The following PID1 variants were observed in gnomAD, a reference collection of about 807,000 sequenced individuals.
The protein encoded by PID1 is phosphotyrosine interaction domain containing 1.
PID1 carries 10 observed loss-of-function variants against 19.1 expected under a neutral mutation model. The ratio of observed to expected loss-of-function variants is 0.52; its 90% CI spans 0.32 to 0.89. The LOEUF (loss-of-function observed/expected upper bound fraction) is 0.89. Ranked by LOEUF, PID1 falls within the 40% of genes least tolerant of loss-of-function variation. The pLI, the probability that PID1 is intolerant of heterozygous loss-of-function variation, is 0.03. For synonymous variants in PID1, 130 were observed against 116.0 expected, an observed-to-expected ratio of 1.12 and a Z score of -0.78; for missense variants, 248 against 285.3, an observed-to-expected ratio of 0.87 and a Z score of 0.94.
At chr2:229,172,402 C>A (rs1320228192) in intron 1 of PID1, among the ~76,000 whole-genome samples, 1 of 152,206 alleles carries the variant, frequency 6.6e-6, no homozygotes, top group African/African-American at 2.4e-5. Context: ...GTGCCATGCT[C>A]TTTTTGACGG....
At chr2:229,239,531 G>A (rs528435895) in intron 1 of PID1, among the ~76,000 whole-genome samples, 1 of 152,214 alleles carries the variant, frequency 6.6e-6, no homozygotes, top group East Asian at 1.9e-4. Flanking sequence ...AAACTCTGCT[G>A]TGGAAAGGAA....
chr2:229,238,386 C>G (rs17321656), intron 1 of PID1, among the ~76,000 whole-genome samples: 1 of 151,982 alleles, frequency 6.6e-6, no homozygotes, highest in African/African-American at 2.4e-5. Context: ...TTTCAAAAAC[C>G]GCAGGCCAGA....
chr2:229,162,323 A>G (rs1239220262), intron 1 of PID1, among the ~76,000 whole-genome samples: 1 of 152,162 alleles, frequency 6.6e-6, no homozygotes, highest in Non-Finnish European at 1.5e-5. Context: ...CAATTTACAT[A>G]TTTTACCAAT....
chr2:229,254,553 CT>C (rs1690243153), intron 1 of PID1, among the ~76,000 whole-genome samples: 1 of 152,178 alleles, frequency 6.6e-6, no homozygotes, highest in Non-Finnish European at 1.5e-5. Context: ...TCATGTTTCT[CT>C]TTTTCCTCGG....
chr2:229,236,909 G>A (rs1689709821), intron 1 of PID1, among the ~76,000 whole-genome samples: 1 of 151,224 alleles, frequency 6.6e-6, no homozygotes, highest in Non-Finnish European at 1.5e-5. Context: ...GTTGTTTATA[G>A]ATAGCTATTT....
At chr2:229,185,064 C>A (rs916447701) in intron 1 of PID1, among the ~76,000 whole-genome samples, 255 of 16,784 alleles carry the variant, frequency 0.015, no homozygotes, top group Non-Finnish European at 0.015. Flanking sequence ...TATATATCCT[C>A]CATATATATA....
intron 2 of PID1, among the ~76,000 whole-genome samples, chr2:229,113,586 G>A (rs1286428010): frequency 1.1e-5 from 1 of 87,146 alleles, no homozygotes; most frequent in Non-Finnish European, 2.5e-5. Context: ...GTGTATGTGT[G>A]TATGCATATA....
chr2:229,142,753 G>A (rs1337588575), intron 2 of PID1, among the ~76,000 whole-genome samples: 1 of 152,202 alleles, frequency 6.6e-6, no homozygotes, highest in African/African-American at 2.4e-5. Context: ...TGGTGGGACT[G>A]TAAACTAGTT....
At chr2:229,175,132 T>C (rs1690794293) in intron 1 of PID1, among the ~76,000 whole-genome samples, 1 of 152,198 alleles carries the variant, frequency 6.6e-6, no homozygotes, top group Admixed American at 6.5e-5. Flanking sequence ...CCTGTCCAAA[T>C]TGTAGATTTA....
At chr2:229,094,462 A>G (rs1694935811) in intron 2 of PID1, among the ~76,000 whole-genome samples, 1 of 152,334 alleles carries the variant, frequency 6.6e-6, no homozygotes, top group Non-Finnish European at 1.5e-5. Flanking sequence ...ATGGAACCAA[A>G]GAAAAGCCCA....
intron 1 of PID1, among the ~76,000 whole-genome samples, chr2:229,266,989 G>A (rs961656744): frequency 2.0e-5 from 3 of 152,098 alleles, no homozygotes; most frequent in African/African-American, 7.2e-5. Flanking sequence ...ACTTCTCAGG[G>A]GAAAAGTGAA....
chr2:229,043,924 T>A (rs2106177147), intron 2 of PID1, among the ~76,000 whole-genome samples: 1 of 152,274 alleles, frequency 6.6e-6, no homozygotes, highest in African/African-American at 2.4e-5. Context: ...CAAGGACACA[T>A]CCAGCTCAAA....
At chr2:229,232,656 T>C (rs1053559296) in intron 1 of PID1, among the ~76,000 whole-genome samples, 1 of 150,836 alleles carries the variant, frequency 6.6e-6, no homozygotes, top group East Asian at 1.9e-4. Flanking sequence ...TTTGTGTGTG[T>C]GTGTGTATGC....
intron 2 of PID1, among the ~76,000 whole-genome samples, chr2:229,100,878 C>A (rs1042736922): frequency 6.6e-5 from 10 of 152,230 alleles, no homozygotes; most frequent in Admixed American, 5.9e-4. Flanking sequence ...TCAGGGAAAT[C>A]TGACATCACA....
intron 2 of PID1, among the ~76,000 whole-genome samples, chr2:229,042,688 G>A (rs567557454): frequency 6.6e-6 from 1 of 152,260 alleles, no homozygotes; most frequent in Non-Finnish European, 1.5e-5. Context: ...AGCTTTCAAT[G>A]TCATATTCTA....
intron 1 of PID1, among the ~76,000 whole-genome samples, chr2:229,174,917 C>T (rs1294780662): frequency 9.2e-5 from 14 of 152,138 alleles, no homozygotes; most frequent in Non-Finnish European, 4.4e-5. Context: ...TCAGTTCAAC[C>T]CTTAAGAGTC....
intron 1 of PID1, among the ~76,000 whole-genome samples, chr2:229,190,447 CT>C (rs1299972147): frequency 6.6e-6 from 1 of 152,212 alleles, no homozygotes; most frequent in Non-Finnish European, 1.5e-5. Flanking sequence ...TCCTTGAAGA[CT>C]CCTGGAAGGA....
chr2:229,152,270 T>A (rs1690271694), intron 2 of PID1, among the ~76,000 whole-genome samples: 1 of 152,032 alleles, frequency 6.6e-6, no homozygotes, highest in Non-Finnish European at 1.5e-5. Context: ...AGTGCCTGAG[T>A]CAAAATTTCT....
At chr2:229,267,030 G>C (rs1690608500) in intron 1 of PID1, among the ~76,000 whole-genome samples, 1 of 151,958 alleles carries the variant, frequency 6.6e-6, no homozygotes, top group Non-Finnish European at 1.5e-5. Context: ...GAAAAATCTA[G>C]AACGATCCAC....
Sources: gnomAD v4.1 joint callset for allele counts (sites outside exome capture counted in the v4.1 genomes callset) on GRCh38, gnomAD v4.1.1 for gene constraint, MANE v1.5 for transcripts, NCBI Gene and HGNC (gene_info 2026-07-23, HGNC 2026-07-21) for gene names.